RBFOX1: variants seen among roughly 807,000 people sequenced by gnomAD.
RBFOX1 encodes the protein RNA binding protein fox-1 homolog 1.
Under a neutral mutation model 57.7 loss-of-function variants are expected in RBFOX1, and 8 were observed. That is an observed-to-expected ratio of 0.14 (90% CI 0.08 to 0.25). RBFOX1 has a LOEUF of 0.25. Among genes scored for constraint, RBFOX1 ranks in the 10% least tolerant of loss-of-function variants. The pLI is 1.00. For synonymous variants in RBFOX1, 326 were observed against 222.4 expected, an observed-to-expected ratio of 1.47 and a Z score of -4.15; for missense variants, 611 against 548.5, an observed-to-expected ratio of 1.11 and a Z score of -1.14.
chr16:6,391,880 T>G (rs1329244042), intron 2 of RBFOX1, among the ~76,000 whole-genome samples: 1 of 152,206 alleles, frequency 6.6e-6, no homozygotes, highest in Non-Finnish European at 1.5e-5. Flanking sequence ...TACAGTGTGC[T>G]CTAATAAATG....
intron 4 of RBFOX1, among the ~76,000 whole-genome samples, chr16:5,903,576 C>T (rs1448302610): frequency 2.0e-5 from 3 of 152,182 alleles, no homozygotes; most frequent in African/African-American, 7.2e-5. Context: ...CAGACAAAAA[C>T]ACTGTCTCTT....
At chr16:6,961,246 C>T (rs1438106150) in intron 3 of RBFOX1, among the ~76,000 whole-genome samples, 1 of 152,056 alleles carries the variant, frequency 6.6e-6, no homozygotes, top group Non-Finnish European at 1.5e-5. Flanking sequence ...TGCTGATGGC[C>T]ATTTTCTCAG....
At chr16:7,561,429 C>T (rs148006631) in intron 5 of RBFOX1, among the ~76,000 whole-genome samples, 3 of 152,242 alleles carry the variant, frequency 2.0e-5, no homozygotes, top group East Asian at 1.9e-4. Flanking sequence ...TTTCCATTTC[C>T]GAACATATAT....
chr16:7,472,086 C>T (rs936426062), intron 4 of RBFOX1, among the ~76,000 whole-genome samples: 5 of 152,144 alleles, frequency 3.3e-5, no homozygotes, highest in African/African-American at 9.7e-5. Context: ...TTCAGCATAT[C>T]CTGCCTGGTA....
intron 1 of RBFOX1, among the ~76,000 whole-genome samples, chr16:6,123,498 A>T (rs141492655): frequency 6.6e-6 from 1 of 152,340 alleles, no homozygotes; most frequent in East Asian, 1.9e-4. Context: ...CAGGGGCTGA[A>T]ATGTGAGGAA....
chr16:6,903,553 G>A (rs2069003751), intron 3 of RBFOX1, among the ~76,000 whole-genome samples: 1 of 152,192 alleles, frequency 6.6e-6, no homozygotes, highest in Admixed American at 6.5e-5. Context: ...CTCGGAGTGA[G>A]TTCCAGAAAG....
At position 6,779,720 on chromosome 16, in the gene RBFOX1, TA is replaced by T. The variant is rs2080029743; in HGVS notation, c.-16+125071del. ...TTATTTATATATATATTTATATATA[TA>T]TTTATATATTTTTATATATTTTTAT... On this transcript the variant is annotated intron_variant, in intron 3 of 15. Transcript: ENST00000550418. 1.9e-5 allele frequency among the ~76,000 whole-genome samples: 2 copies of T among 106,550 alleles called. 1 individual carries two copies. The highest frequency in any genetic ancestry group is 3.4e-5 in the Non-Finnish European group (2 of 58,054). 69.9% of individuals were successfully genotyped at this position (106,550 alleles called of 152,430 possible).
intron 4 of RBFOX1, among the ~76,000 whole-genome samples, chr16:7,131,045 A>T (rs916132284): frequency 3.3e-5 from 5 of 152,192 alleles, no homozygotes; most frequent in African/African-American, 4.8e-5. Flanking sequence ...CTTTTTAATC[A>T]TAAGAATCAT....
chr16:6,070,200 T>C (rs973365025), intron 1 of RBFOX1, among the ~76,000 whole-genome samples: 12 of 152,222 alleles, frequency 7.9e-5, no homozygotes, highest in Non-Finnish European at 1.3e-4. Flanking sequence ...TACAAAGATA[T>C]GCCATCATCC....
At position 7,078,643 on chromosome 16, in the gene RBFOX1, C is replaced by T. The variant is rs141241925; in HGVS notation, c.27+26545C>T. 2.0e-5 allele frequency among the ~76,000 whole-genome samples: 3 copies of T among 151,698 alleles called. No homozygotes were observed. In the East Asian group the frequency reaches 5.9e-4, roughly 30 times the overall value. On this transcript the variant is annotated intron_variant, in intron 4 of 15. Coordinates refer to ENST00000550418, the MANE Select transcript of RBFOX1 (RefSeq NM_018723.4). ...GATTACAGGCATGAGCCACCACACC[C>T]AGCCCGACCCTATTTTTTATTTTAT... is the stretch of plus-strand genomic sequence containing the variant.
intron 2 of RBFOX1, among the ~76,000 whole-genome samples, chr16:5,471,784 G>A (rs1224035919): frequency 6.6e-6 from 1 of 152,218 alleles, no homozygotes; most frequent in African/African-American, 2.4e-5. Context: ...CTTGGCAGCG[G>A]TATATTTCTA....
intron 3 of RBFOX1, among the ~76,000 whole-genome samples, chr16:5,710,205 A>G (rs534284292): frequency 4.1e-4 from 63 of 152,140 alleles, no homozygotes; most frequent in African/African-American, 1.3e-3. Context: ...ATAGGGTCCT[A>G]TTTTGTCACT....
At chr16:6,708,944 C>T (rs2063262132) in intron 3 of RBFOX1, among the ~76,000 whole-genome samples, 3 of 151,602 alleles carry the variant, frequency 2.0e-5, no homozygotes, top group Non-Finnish European at 4.4e-5. Flanking sequence ...TCATAGTGGC[C>T]TAGTAGCGGT....
intron 4 of RBFOX1, among the ~76,000 whole-genome samples, chr16:5,936,525 C>T (rs1456964351): frequency 6.6e-6 from 1 of 152,204 alleles, no homozygotes; most frequent in Non-Finnish European, 1.5e-5. Flanking sequence ...CCAAGTTCCT[C>T]TGCCCATGTC....
chr16:6,252,854 G>T (rs1264238217), intron 1 of RBFOX1, among the ~76,000 whole-genome samples: 2 of 152,010 alleles, frequency 1.3e-5, no homozygotes, highest in Non-Finnish European at 2.9e-5. Flanking sequence ...GGTGTGAATG[G>T]ATCGTGTAGG....
Position 7,597,356 on chromosome 16 carries a change from T to A in RBFOX1, c.562-15T>A, listed in dbSNP as rs754000952. On this transcript the variant is annotated splice_polypyrimidine_tract_variant and intron_variant, in intron 8 of 15. Transcript: ENST00000550418. ...CCCTAGAATATGTGCTTACTTGAGT[T>A]TTCTATGTACATAGGTAAATAATGC... is the stretch of plus-strand genomic sequence containing the variant. 6.3e-7 allele frequency: 1 copy of A among 1,597,486 alleles called. No individual in the cohort carries two copies. The highest frequency in any genetic ancestry group is 1.1e-5 in the South Asian group (1 of 89,046).
intron 3 of RBFOX1, among the ~76,000 whole-genome samples, chr16:6,912,425 G>C (rs901259760): frequency 1.3e-5 from 2 of 152,220 alleles, no homozygotes; most frequent in Admixed American, 6.5e-5. Flanking sequence ...TGAGGTGTCT[G>C]TTCTCTGTGA....
At chr16:6,450,148 G>A (rs935149206) in intron 2 of RBFOX1, among the ~76,000 whole-genome samples, 1 of 152,114 alleles carries the variant, frequency 6.6e-6, no homozygotes, top group Non-Finnish European at 1.5e-5. Flanking sequence ...TATAAATCCT[G>A]GCTTCCCTGT....
intron 14 of RBFOX1, among the ~76,000 whole-genome samples, chr16:7,688,075 A>G (rs937262389): frequency 1.3e-5 from 2 of 152,066 alleles, no homozygotes; most frequent in Non-Finnish European, 2.9e-5. Flanking sequence ...CCTCTGCCTT[A>G]TAAACAACAG....
Sources: gnomAD v4.1 joint callset for allele counts (sites outside exome capture counted in the v4.1 genomes callset) on GRCh38, gnomAD v4.1.1 for gene constraint, MANE v1.5 for transcripts, NCBI Gene and HGNC (gene_info 2026-07-23, HGNC 2026-07-21) for gene names.